The following AGTPBP1 variants were observed in gnomAD, a reference collection of about 807,000 sequenced individuals.
The protein encoded by AGTPBP1 is cytosolic carboxypeptidase 1.
AGTPBP1 carries 70 observed loss-of-function variants against 143.9 expected under a neutral mutation model. The observed-to-expected ratio is 0.49, with a 90% confidence interval of 0.40 to 0.59. The LOEUF is 0.59. Among genes scored for constraint, AGTPBP1 ranks in the 20% least tolerant of loss-of-function variants. AGTPBP1 has a pLI of 0.00. For synonymous variants in AGTPBP1, 463 were observed against 500.2 expected (o/e 0.93, Z 0.99); for missense variants, 1,229 against 1,464.5 (o/e 0.84, Z 2.62).
chr9:85,591,869 C>T (rs1211352308), intron 19 of AGTPBP1, among the ~76,000 whole-genome samples: 2 of 152,068 alleles, frequency 1.3e-5, no homozygotes, highest in African/African-American at 2.4e-5. Context: ...TGATCTTTGA[C>T]ATTAGAATAG....
intron 25 of AGTPBP1, among the ~76,000 whole-genome samples, chr9:85,567,329 G>A (rs565116156): frequency 7.2e-5 from 11 of 152,322 alleles, no homozygotes; most frequent in South Asian, 2.1e-4. Context: ...GGTGGCTCAC[G>A]CCTGTAATCC....
At chr9:85,705,795 A>G (rs1263673924) in intron 2 of AGTPBP1, among the ~76,000 whole-genome samples, 1 of 152,024 alleles carries the variant, frequency 6.6e-6, no homozygotes, top group Non-Finnish European at 1.5e-5. Flanking sequence ...GGTTCACGCT[A>G]TTCTCCTGCC....
At chr9:85,726,188 C>T (rs1270876476) in intron 1 of AGTPBP1, among the ~76,000 whole-genome samples, 2 of 149,224 alleles carry the variant, frequency 1.3e-5, no homozygotes, top group African/African-American at 4.9e-5. Context: ...CATGTTCACA[C>T]CACTGCACTC....
intron 25 of AGTPBP1, among the ~76,000 whole-genome samples, chr9:85,564,961 T>C (rs1029368565): frequency 5.3e-5 from 8 of 152,148 alleles, no homozygotes; most frequent in South Asian, 2.1e-4. Flanking sequence ...GAACTGAATG[T>C]TTATGTCACA....
intron 1 of AGTPBP1, among the ~76,000 whole-genome samples, chr9:85,727,172 C>G (rs756972297): frequency 2.7e-4 from 41 of 152,110 alleles, no homozygotes; most frequent in Admixed American, 1.1e-3. Context: ...ACCAAAAATA[C>G]AAAAATCAGC....
chr9:85,735,745 TAA>T (rs889741677), intron 1 of AGTPBP1, among the ~76,000 whole-genome samples: 1 of 152,208 alleles, frequency 6.6e-6, no homozygotes, highest in Non-Finnish European at 1.5e-5. Flanking sequence ...TTAATAAACC[TAA>T]AGAGTTCTTG....
intron 23 of AGTPBP1, 35 bp from the exon 24 acceptor site, chr9:85,579,131 C>A: frequency 6.5e-7 from 1 of 1,548,492 alleles, no homozygotes; most frequent in Non-Finnish European, 8.6e-7. Flanking sequence ...ATAAAATAAA[C>A]CAAGTTTTTA....
the AGTPBP1 span, among the ~76,000 whole-genome samples, chr9:85,782,864 T>A: frequency 6.6e-6 from 1 of 152,252 alleles, no homozygotes; most frequent in Non-Finnish European, 1.5e-5. Flanking sequence ...CTTGAAATAC[T>A]GCCTGCTATA....
At position 85,620,420 on chromosome 9, in the gene AGTPBP1, T is replaced by TAA. The variant is rs67311066; in HGVS notation, c.2099+780_2099+781dup. Among the ~76,000 whole-genome samples the TAA allele has an allele frequency of 7.4e-3, 768 of 103,870 alleles. 9 individuals carry two copies. Among genetic ancestry groups the TAA allele is most frequent in the African/African-American group, 0.021 (594 of 28,140 alleles). 68.1% of individuals were successfully genotyped at this position (103,870 alleles called of 152,430 possible). On this transcript the variant is annotated intron_variant, in intron 15 of 25. Transcript: ENST00000357081. ...GAGACAGAGTGCATGGGACTTCATC[T>TAA]AAAAAAAAAAAAAAAAAAAGGTGTT...
the AGTPBP1 span, among the ~76,000 whole-genome samples, chr9:85,757,270 T>C: frequency 3.9e-5 from 6 of 152,070 alleles, no homozygotes; most frequent in Admixed American, 3.9e-4. Flanking sequence ...TTTCAACATA[T>C]TGGTCAGACT....
the AGTPBP1 span, among the ~76,000 whole-genome samples, chr9:85,772,622 A>T: frequency 6.6e-6 from 1 of 152,138 alleles, no homozygotes; most frequent in African/African-American, 2.4e-5. Flanking sequence ...GCATGATGGC[A>T]TGTACCTGTG....
the AGTPBP1 span, among the ~76,000 whole-genome samples, chr9:85,766,279 T>C: frequency 6.6e-6 from 1 of 152,186 alleles, no homozygotes; most frequent in Non-Finnish European, 1.5e-5. Context: ...TCTTACATTA[T>C]TTATTCAAAG....
intron 13 of AGTPBP1, among the ~76,000 whole-genome samples, chr9:85,636,173 G>GAC (rs1327957976): frequency 1.3e-5 from 2 of 150,360 alleles, no homozygotes; most frequent in Non-Finnish European, 3.0e-5. Context: ...CAGAATCTCA[G>GAC]ACTAAGAAAT....
chr9:85,759,767 A>G, the AGTPBP1 span, among the ~76,000 whole-genome samples: 1 of 152,228 alleles, frequency 6.6e-6, no homozygotes, highest in South Asian at 2.1e-4. Context: ...GAAATAACTA[A>G]GATCAGAGCA....
intron 2 of AGTPBP1, among the ~76,000 whole-genome samples, chr9:85,693,496 G>GTCTC (rs1189519477): frequency 6.6e-6 from 1 of 152,154 alleles, no homozygotes; most frequent in African/African-American, 2.4e-5. Context: ...TACTTGGGAG[G>GTCTC]CTGAGACAGG....
chr9:85,639,958 C>G, intron 13 of AGTPBP1, among the ~76,000 whole-genome samples: 1 of 152,108 alleles, frequency 6.6e-6, no homozygotes, highest in East Asian at 1.9e-4. Context: ...TGAATAATGG[C>G]CTTAACACAG....
At chr9:85,778,357 C>T in the AGTPBP1 span, among the ~76,000 whole-genome samples, 1 of 152,164 alleles carries the variant, frequency 6.6e-6, no homozygotes. Flanking sequence ...TAGTTATCTG[C>T]AGAAGATGGC....
chr9:85,744,120 C>T (rs975008784), upstream of AGTPBP1, among the ~76,000 whole-genome samples: 3 of 151,730 alleles, frequency 2.0e-5, no homozygotes, highest in Admixed American at 6.6e-5. Context: ...TTTGTAGAGT[C>T]GGGGTCTCCC....
intron 12 of AGTPBP1, among the ~76,000 whole-genome samples, chr9:85,644,199 T>C (rs937416590): frequency 6.6e-6 from 1 of 151,922 alleles, no homozygotes; most frequent in African/African-American, 2.4e-5. Context: ...TGTTATCATA[T>C]TAATCACTGT....
Sources: allele counts gnomAD v4.1 joint callset (sites outside exome capture counted in the v4.1 genomes callset), GRCh38; gene constraint gnomAD v4.1.1; transcripts MANE v1.5; gene names NCBI Gene and HGNC (gene_info 2026-07-23, HGNC 2026-07-21).